The following DIP2C variants were observed in gnomAD, a reference collection of about 807,000 sequenced individuals.
The protein encoded by DIP2C is DIP2 acetate--CoA ligase C (putative).
DIP2C carries 33 observed loss-of-function variants against 192.4 expected under a neutral mutation model. That is an observed-to-expected ratio of 0.17 (90% CI 0.13 to 0.23). The LOEUF (loss-of-function observed/expected upper bound fraction) is 0.23. DIP2C is among the 10% of genes least tolerant of loss of function. DIP2C has a pLI of 1.00. For synonymous variants in DIP2C, 979 were observed against 864.1 expected, an observed-to-expected ratio of 1.13 and a Z score of -2.33; for missense variants, 1,537 against 2,110.1, an observed-to-expected ratio of 0.73 and a Z score of 5.32.
At chr10:577,265 C>A (rs944866580) in intron 1 of DIP2C, among the ~76,000 whole-genome samples, 1 of 152,152 alleles carries the variant, frequency 6.6e-6, no homozygotes, top group African/African-American at 2.4e-5. Flanking sequence ...ATTTAGAGAA[C>A]ATGTAAATAC....
At chr10:446,584 C>T (rs1207390299) in intron 3 of DIP2C, among the ~76,000 whole-genome samples, 1 of 152,234 alleles carries the variant, frequency 6.6e-6, no homozygotes, top group African/African-American at 2.4e-5. Flanking sequence ...TGACTCACTT[C>T]ATTGACGAGG....
intron 16 of DIP2C, among the ~76,000 whole-genome samples, chr10:383,824 G>A (rs1264056633): frequency 2.0e-5 from 3 of 152,004 alleles, no homozygotes; most frequent in Admixed American, 1.3e-4. Flanking sequence ...CGTACCTCTT[G>A]GCCCGAGTGA....
Position 286,872 on chromosome 10 carries a change from G to C in DIP2C, c.4045-525C>G, listed in dbSNP as rs1448714964. 2.0e-5 allele frequency among the ~76,000 whole-genome samples: 3 copies of C among 152,196 alleles called. No individual in the cohort carries two copies. The East Asian group carries it at 5.8e-4, about 29-fold the overall frequency. Reference sequence around the variant, plus strand: ...AGTGACGTTTTCAGGGGTAAGCATGGACTCGAAGATAACCCAAAATGCTTT... The same window carrying C: ...AGTGACGTTTTCAGGGGTAAGCATGCACTCGAAGATAACCCAAAATGCTTT... On this transcript the variant is annotated intron_variant, in intron 33 of 36. Transcript: ENST00000280886.
intron 35 of DIP2C, 50 bp from the exon 36 acceptor site, chr10:281,373 C>T: frequency 2.6e-6 from 4 of 1,541,180 alleles, no homozygotes; most frequent in Non-Finnish European, 3.5e-6. Context: ...GCCGCTCAAG[C>T]CGTTTCCTTC....
rs372784070 is a variant in DIP2C, at chr10:651,575, C to A, written c.85+37919G>T. 1 of 397,622 alleles carries A rather than the reference C, an allele frequency of 2.5e-6. No individual in the cohort carries two copies. The highest frequency in any genetic ancestry group is 4.8e-6 in the Non-Finnish European group (1 of 208,636). 24.6% of individuals were successfully genotyped at this position (397,622 alleles called of 1,614,324 possible). A position where few individuals can be genotyped will look rare whatever the true frequency, so the allele number is the denominator to read the frequency against. The stretch of plus-strand genomic sequence containing the variant: ...GCCTTTCCAGTTAAATGTTGTTAAG[C>A]AGTATTTCCCCCAAAAGGTGCATCT... On this transcript the variant is annotated intron_variant, in intron 1 of 36. Coordinates refer to ENST00000280886, the MANE Select transcript of DIP2C (RefSeq NM_014974.3). This position sits in a 1 kb window ranked among gnomAD's most constrained non-coding sequence, Gnocchi z 4.1.
chr10:440,856 G>A lies in DIP2C; in HGVS notation c.394+15C>T, dbSNP rs911306375. On this transcript the variant is annotated intron_variant, in intron 4 of 36. Coordinates refer to ENST00000280886, the MANE Select transcript of DIP2C (RefSeq NM_014974.3). Reference sequence around the variant, plus strand: ...GGCACATTCAGGAGGCCGTGTCGGGGAGCGTGTCCCTTACCTGGAGGGGTG... The same window carrying A: ...GGCACATTCAGGAGGCCGTGTCGGGAAGCGTGTCCCTTACCTGGAGGGGTG... The A allele has an allele frequency of 1.2e-6, 2 of 1,608,134 alleles. No individual in the cohort carries two copies. The highest frequency in any genetic ancestry group is 1.1e-5 in the South Asian group (1 of 90,090).
chr10:315,161 C>G (rs1398275774), intron 31 of DIP2C, among the ~76,000 whole-genome samples: 1 of 152,200 alleles, frequency 6.6e-6, no homozygotes, highest in Non-Finnish European at 1.5e-5. Flanking sequence ...TTCCGGGGCC[C>G]AACTTCCTGT....
intron 1 of DIP2C, among the ~76,000 whole-genome samples, chr10:546,399 T>A (rs1420003757): frequency 6.6e-6 from 1 of 152,230 alleles, no homozygotes; most frequent in African/African-American, 2.4e-5. Context: ...GGCAACAGTT[T>A]GTGCTGCTGT....
At chr10:553,965 T>G (rs1369137011) in intron 1 of DIP2C, among the ~76,000 whole-genome samples, 1 of 144,566 alleles carries the variant, frequency 6.9e-6, no homozygotes, top group African/African-American at 2.6e-5. Context: ...AGAAAAAACG[T>G]ATACGCTTGT....
chr10:454,801 T>C lies in DIP2C; in HGVS notation c.269-13805A>G, dbSNP rs369668479. On this transcript the variant is annotated intron_variant, in intron 3 of 36. Transcript: ENST00000280886. ...ATGAGATATTCGGGGGATAAAAACA[T>C]GAGCACCCCTGGAACCCTCAGAGAA... 9.9e-4 allele frequency among the ~76,000 whole-genome samples: 150 copies of C among 151,662 alleles called. 1 individual carries two copies. The highest frequency in any genetic ancestry group is 3.4e-3 in the African/African-American group (141 of 41,390).
intron 36 of DIP2C, among the ~76,000 whole-genome samples, chr10:279,155 T>C (rs575654346): frequency 1.2e-4 from 18 of 152,206 alleles, no homozygotes; most frequent in Non-Finnish European, 2.4e-4. Context: ...CGCATGCCTA[T>C]GGAGCATGCT....
chr10:670,068 A>G (rs556208089), intron 1 of DIP2C, among the ~76,000 whole-genome samples: 3 of 152,358 alleles, frequency 2.0e-5, no homozygotes, highest in East Asian at 1.9e-4. Flanking sequence ...AGGAAAAGGC[A>G]TATCTGTGCA....
intron 31 of DIP2C, among the ~76,000 whole-genome samples, chr10:318,447 G>C (rs778677859): frequency 6.6e-6 from 1 of 152,196 alleles, no homozygotes; most frequent in Non-Finnish European, 1.5e-5. Flanking sequence ...GGGAAGTCTC[G>C]TGTCCAGGAA....
chr10:367,377 A>G (rs919867807), intron 18 of DIP2C, among the ~76,000 whole-genome samples: 1 of 151,592 alleles, frequency 6.6e-6, no homozygotes, highest in Non-Finnish European at 1.5e-5. Flanking sequence ...AGATCGCGCC[A>G]CTGCACTCCA....
intron 23 of DIP2C, among the ~76,000 whole-genome samples, chr10:357,256 G>A (rs1037373928): frequency 3.9e-5 from 6 of 152,326 alleles, no homozygotes; most frequent in South Asian, 2.1e-4. Context: ...TCTGGGCCTC[G>A]GGAGTTTCTC....
chr10:661,890 A>G, intron 1 of DIP2C: 1 of 614,128 alleles, frequency 1.6e-6, no homozygotes, highest in East Asian at 2.8e-5. Context: ...GCAAAGCACA[A>G]CGCCGACCTC....
intron 1 of DIP2C, among the ~76,000 whole-genome samples, chr10:580,591 TA>T (rs1850574888): frequency 6.6e-6 from 1 of 152,196 alleles, no homozygotes; most frequent in Non-Finnish European, 1.5e-5. Flanking sequence ...TACATACCTA[TA>T]CATTGTAAAT....
rs573030091 is a variant in DIP2C, at chr10:349,441, T to C, written c.2999A>G (p.Asn1000Ser). 1.9e-6 allele frequency: 3 copies of C among 1,607,982 alleles called. No homozygotes were observed. The South Asian group carries it at 3.3e-5, about 18-fold the overall frequency. Residue 1000 changes from asparagine (N) to serine (S), a missense_variant, in exon 25 of 37, where the codon AAC becomes AGC. Around this residue, in one of 4 missense-constraint regions of DIP2C, gnomAD observed 677 missense variants for 989.9 expected, o/e 0.68. Coordinates refer to ENST00000280886, the MANE Select transcript of DIP2C (RefSeq NM_014974.3). ...TLLNCRGAIA[N>S]SLTCVQLHKR... The stretch of plus-strand genomic sequence containing the variant: ...GTGCAGCTGCACGCAGGTCAGCGAG[T>C]TCGCTATCGCACCCTGCGGGCCGAT...
intron 17 of DIP2C, among the ~76,000 whole-genome samples, chr10:378,965 G>A (rs767839231): frequency 4.6e-5 from 7 of 152,286 alleles, no homozygotes; most frequent in East Asian, 1.9e-4. Flanking sequence ...CAAAGTCTCC[G>A]ACTCATGTTT....
Sources: gnomAD v4.1 joint callset for allele counts (sites outside exome capture counted in the v4.1 genomes callset) on GRCh38, gnomAD v4.1.1 for gene constraint, gnomAD v4.1.1 regional missense constraint, Gnocchi (gnomAD v3.1) non-coding constraint, MANE v1.5 for transcripts, NCBI Gene and HGNC (gene_info 2026-07-23, HGNC 2026-07-21) for gene names.